DDX5: variants seen among roughly 807,000 people sequenced by gnomAD.
The protein encoded by DDX5 is probable ATP-dependent RNA helicase DDX5.
A neutral mutation model predicts 68.6 loss-of-function variants in DDX5; 6 were observed. That is an observed-to-expected ratio of 0.09 (90% CI 0.05 to 0.17). DDX5 has a LOEUF of 0.17. Ranked by LOEUF, DDX5 falls within the 10% of genes least tolerant of loss-of-function variation. The pLI is 1.00. For missense variants in DDX5, 499 were observed against 756.1 expected (o/e 0.66, Z 3.99); for synonymous variants, 350 against 247.0 (o/e 1.42, Z -3.91).
rs572946450 is a variant in DDX5 at position 64,504,986 on chromosome 17, C to G, written c.45-144G>C. 23 of 639,998 alleles carry G rather than the reference C, an allele frequency of 3.6e-5. No individual in the cohort carries two copies. The South Asian group carries it at 3.9e-4, about 11-fold the overall frequency. 39.6% of individuals were successfully genotyped at this position (639,998 alleles called of 1,614,324 possible). ...CTAGCACTGTCCTTCGTGAAAATCT[C>G]TCTCTCTCTCAACAGCCACAGTTAA... On this transcript the variant is annotated intron_variant, in intron 1 of 12. Transcript: ENST00000225792.
At chr17:64,504,560 A>G (rs1235288253) in intron 2 of DDX5, 117 bp downstream of exon 2, 3 of 1,260,990 alleles carry the variant, frequency 2.4e-6, no homozygotes, top group Non-Finnish European at 3.3e-6. Flanking sequence ...CCCAATTATG[A>G]AGTCAGAACA....
Position 64,506,262 on chromosome 17 carries a change from A to C in DDX5, c.-143T>G. On this transcript the variant is annotated 5_prime_UTR_variant, in exon 1 of 13. Coordinates refer to ENST00000225792, the MANE Select transcript of DDX5 (RefSeq NM_004396.5). ...CGATGACACCAGCCGAAGCTGCACTACTAGAGACCGGTAGAAATGAATGAG... is the reference window on the plus strand; with the variant it reads ...CGATGACACCAGCCGAAGCTGCACTCCTAGAGACCGGTAGAAATGAATGAG... 1.2e-5 allele frequency: 18 copies of C among 1,541,570 alleles called. No homozygotes were observed. Among genetic ancestry groups the C allele is most frequent in the Non-Finnish European group, 1.5e-5 (17 of 1,143,644 alleles).
rs2038233682 is a variant in DDX5 at position 64,499,240 on chromosome 17, A to G, written c.*683T>C. ...TTATTTGGAGCTTTTTAAATTATAA[A>G]CTTTGAAAAAGTCACCCACGTTCTC... On this transcript the variant is annotated 3_prime_UTR_variant, in exon 13 of 13. Coordinates refer to ENST00000225792, the MANE Select transcript of DDX5 (RefSeq NM_004396.5). Among the ~76,000 whole-genome samples the G allele has an allele frequency of 6.6e-6, 1 of 152,180 alleles. No homozygotes were observed. The highest frequency in any genetic ancestry group is 2.1e-4 in the South Asian group (1 of 4,830).
Position 64,499,917 on chromosome 17 carries a change from A to C in DDX5, c.*6T>G, listed in dbSNP as rs370469831. 6.4e-7 allele frequency: 1 copy of C among 1,574,666 alleles called. No homozygotes were observed. ...AAAACAGACATTTACATATACTTCT[A>C]AAGTCTTATTGGGAATATCCTGTTG... On this transcript the variant is annotated 3_prime_UTR_variant, in exon 13 of 13. Transcript: ENST00000225792.
chr17:64,500,448 T>C (rs1269204444), intron 12 of DDX5, 101 bp downstream of exon 12: 1 of 1,518,982 alleles, frequency 6.6e-7, no homozygotes, highest in African/African-American at 1.4e-5. Flanking sequence ...AGCTTAAGTT[T>C]TCACATTCAA....
intron 11 of DDX5, chr17:64,501,340 G>C: frequency 6.3e-6 from 1 of 159,580 alleles, no homozygotes; most frequent in African/African-American, 2.4e-5. Flanking sequence ...ACTTGAGAAT[G>C]TGTCTCTCTC....
chr17:64,503,713 T>C (rs2038354535), intron 5 of DDX5, 90 bp downstream of exon 5: 1 of 1,541,762 alleles, frequency 6.5e-7, no homozygotes, highest in African/African-American at 1.4e-5. Flanking sequence ...AACCTCTATA[T>C]AAAACCACCA....
chr17:64,501,763 G>A (rs2038302615), intron 11 of DDX5: 2 of 571,232 alleles, frequency 3.5e-6, no homozygotes, highest in Non-Finnish European at 3.1e-6. Context: ...TCTGCCTTTT[G>A]AAGATTACTG....
intron 1 of DDX5, 110 bp from the exon 2 acceptor site, chr17:64,504,952 G>A (rs2038395947): frequency 2.0e-6 from 2 of 1,009,972 alleles, no homozygotes; most frequent in East Asian, 2.6e-5. Flanking sequence ...CAGACTTCGA[G>A]AGGTAAACCT....
intron 1 of DDX5, chr17:64,505,459 G>T: frequency 1.8e-6 from 1 of 564,766 alleles, no homozygotes; most frequent in Non-Finnish European, 3.2e-6. Context: ...GTCCCGGCCC[G>T]GGCGGAGTCG....
upstream of DDX5, chr17:64,506,473 C>T (rs2038531922): frequency 1.7e-6 from 2 of 1,156,454 alleles, no homozygotes; most frequent in Non-Finnish European, 2.3e-6. Context: ...CAGGGCCCAC[C>T]CACCATTGGA....
intron 11 of DDX5, 125 bp downstream of exon 11, chr17:64,501,885 A>G: frequency 1.0e-6 from 1 of 961,870 alleles, no homozygotes; most frequent in South Asian, 1.5e-5. Context: ...TGCCACAAAG[A>G]CAGCACCTTT....
At chr17:64,506,019 G>GTGCCC in intron 1 of DDX5, 57 bp downstream of exon 1, 8 of 1,360,406 alleles carry the variant, frequency 5.9e-6, no homozygotes, top group South Asian at 1.3e-5. Flanking sequence ...CCGCCACCCT[G>GTGCCC]ACCCGCCCTC....
At position 64,506,137 on chromosome 17, in the gene DDX5, T is replaced by C. The variant is rs368401804; in HGVS notation, c.-18A>G. Reference sequence around the variant, plus strand: ...CCCGACATGGCGTCAATGGTTGCGGTTGGCGGGGAACGAAGTATATAGAAA... The same window carrying C: ...CCCGACATGGCGTCAATGGTTGCGGCTGGCGGGGAACGAAGTATATAGAAA... On this transcript the variant is annotated 5_prime_UTR_variant, in exon 1 of 13. Coordinates refer to ENST00000225792, the MANE Select transcript of DDX5 (RefSeq NM_004396.5). 1.8e-5 allele frequency: 29 copies of C among 1,602,858 alleles called. No individual in the cohort carries two copies. Among genetic ancestry groups the C allele is most frequent in the Non-Finnish European group, 2.3e-5 (27 of 1,174,392 alleles).
rs200179682 is a variant in DDX5, at chr17:64,499,533, AAC to A, written c.*388_*389del. ...GTCATTTGTTTTCATGGAAAAAAAAAACCAAACAAAAACAAAAAAAAAACCAG... is the reference window on the plus strand; with the variant it reads ...GTCATTTGTTTTCATGGAAAAAAAAACAAACAAAAACAAAAAAAAAACCAG... On this transcript the variant is annotated 3_prime_UTR_variant, in exon 13 of 13. Transcript: ENST00000225792. 71 of 206,292 alleles carry A rather than the reference AAC, an allele frequency of 3.4e-4. No individual in the cohort carries two copies. Among genetic ancestry groups the A allele is most frequent in the African/African-American group, 2.5e-3 (58 of 23,068 alleles). The allele number at this position is 206,292 out of a possible 1,614,324, so 12.8% of individuals were successfully genotyped here.
At chr17:64,505,428 C>A in intron 1 of DDX5, 1 of 543,500 alleles carries the variant, frequency 1.8e-6, no homozygotes, top group Non-Finnish European at 3.3e-6. Flanking sequence ...AAAGGAGGAG[C>A]CGGCGACTAC....
chr17:64,500,934 G>C, intron 11 of DDX5, 161 bp from the exon 12 acceptor site: 1 of 615,632 alleles, frequency 1.6e-6, no homozygotes, highest in South Asian at 2.0e-5. Flanking sequence ...GAATACCATT[G>C]AGGTTGAAAA....
At chr17:64,505,684 G>T in intron 1 of DDX5, 1 of 1,493,316 alleles carries the variant, frequency 6.7e-7, no homozygotes, top group Non-Finnish European at 9.0e-7. Flanking sequence ...GGCTTTGGAA[G>T]TGGTCCCCTC....
chr17:64,505,150 C>T, intron 1 of DDX5: 1 of 313,620 alleles, frequency 3.2e-6, no homozygotes, highest in Admixed American at 4.6e-5. Flanking sequence ...CACACCACTT[C>T]TTGTGGTTAC....
Sources: allele counts gnomAD v4.1 joint callset (sites outside exome capture counted in the v4.1 genomes callset), GRCh38; gene constraint gnomAD v4.1.1; transcripts MANE v1.5; gene names NCBI Gene and HGNC (gene_info 2026-07-23, HGNC 2026-07-21).